Variants in BRD1 observed in about 807,000 individuals in gnomAD.
The protein encoded by BRD1 is bromodomain containing 1, also known as bromodomain-containing protein 1.
Under a neutral mutation model 107.7 loss-of-function variants are expected in BRD1, and 24 were observed. The ratio of observed to expected loss-of-function variants is 0.22; its 90% confidence interval spans 0.16 to 0.31. The LOEUF is 0.31. Among genes scored for constraint, BRD1 ranks in the 10% least tolerant of loss-of-function variants. BRD1 has a pLI of 1.00. For synonymous variants in BRD1, 744 were observed against 686.1 expected (o/e 1.08, Z -1.32); for missense variants, 1,279 against 1,638.6 (o/e 0.78, Z 3.79).
intron 7 of BRD1, among the ~76,000 whole-genome samples, chr22:49,788,311 G>T (rs1481734929): frequency 3.9e-5 from 6 of 152,092 alleles, no homozygotes; most frequent in Admixed American, 3.9e-4. Context: ...TAAAAGGAAG[G>T]CAACATTAAA....
At chr22:49,801,277 C>A (rs2059635575) in intron 3 of BRD1, among the ~76,000 whole-genome samples, 1 of 152,194 alleles carries the variant, frequency 6.6e-6, no homozygotes, top group African/African-American at 2.4e-5. Context: ...CCTTCAACGG[C>A]CACACACACC....
intron 6 of BRD1, among the ~76,000 whole-genome samples, chr22:49,797,395 T>C (rs1218649966): frequency 6.6e-6 from 1 of 152,110 alleles, no homozygotes; most frequent in Non-Finnish European, 1.5e-5. Flanking sequence ...ACTAAGCTGC[T>C]TTCTGGGTCT....
At position 49,775,599 on chromosome 22, in the gene BRD1, C is replaced by T; in HGVS notation, c.3378G>A (p.Lys1126=). 1 of 1,608,880 alleles carries T rather than the reference C, an allele frequency of 6.2e-7. No individual in the cohort carries two copies. The highest frequency in any genetic ancestry group is 8.5e-7 in the Non-Finnish European group (1 of 1,177,674). ...AAGGCCTCTCAACTCACCAACTTCT[C>T]TTATTATCAAAAAAGAGAACGAGGA... ...KLFLVLFFDN[K]RSWQWLPKSK... Residue 1126 remains lysine, a synonymous_variant, in exon 12 of 13, where the codon AAG becomes AAA. Transcript: ENST00000404760.
Position 49,787,580 on chromosome 22 carries a change from T to G in BRD1, c.2667A>C (p.Lys889Asn). The G allele has an allele frequency of 6.4e-7, 1 of 1,568,150 alleles. No homozygotes were observed. The highest frequency in any genetic ancestry group is 8.7e-7 in the Non-Finnish European group (1 of 1,155,832). ...TGGCAGACTTTGGGGGGCTTACACTTTTCGATTTGCAGAAGAGAACAGAAG... is the reference window on the plus strand; with the variant it reads ...TGGCAGACTTTGGGGGGCTTACACTGTTCGATTTGCAGAAGAGAACAGAAG... ...RRTSVLFCKS[K>N]SVSPPKSAKN... The change falls in exon 8 of 13, where the codon AAA becomes AAC. Residue 889 changes from lysine (K) to asparagine (N), a missense_variant. Coordinates refer to ENST00000404760, the MANE Select transcript of BRD1 (RefSeq NM_001304808.3).
rs2059569663 is a variant in BRD1, at chr22:49,798,136, AAG to A, written c.1786-21_1786-20del. The A allele has an allele frequency of 6.3e-7, 1 of 1,583,334 alleles. No individual in the cohort carries two copies. The highest frequency in any genetic ancestry group is 8.6e-7 in the Non-Finnish European group (1 of 1,160,758). ...CTGGTACCTAATTTTAGGGAGGAAA[AAG>A]AATCATTTACAAACTAAAACAGGAT... On this transcript the variant is annotated intron_variant, in intron 5 of 12. Transcript: ENST00000404760.
intron 1 of BRD1, among the ~76,000 whole-genome samples, chr22:49,826,938 G>A (rs1178762477): frequency 6.6e-6 from 1 of 152,160 alleles, no homozygotes; most frequent in Non-Finnish European, 1.5e-5. Flanking sequence ...GAAGCCTCGC[G>A]TTCGTCGCGA....
intron 2 of BRD1, among the ~76,000 whole-genome samples, chr22:49,808,267 A>C (rs1439535593): frequency 6.6e-6 from 1 of 152,252 alleles, no homozygotes; most frequent in Non-Finnish European, 1.5e-5. Flanking sequence ...TAAAACATGG[A>C]AGCAACCCAA....
Position 49,824,579 on chromosome 22 carries a change from C to CCCTA in BRD1, c.-14-252_-14-249dup, listed in dbSNP as rs2060126184. 1 of 1,331,058 alleles carries CCCTA rather than the reference C, an allele frequency of 7.5e-7. No individual in the cohort carries two copies. Among genetic ancestry groups the CCCTA allele is most frequent in the South Asian group, 1.6e-5 (1 of 62,626 alleles). The allele number at this position is 1,331,058 out of a possible 1,614,324, so 82.5% of individuals were successfully genotyped here. On this transcript the variant is annotated intron_variant, in intron 1 of 12. Coordinates refer to ENST00000404760, the MANE Select transcript of BRD1 (RefSeq NM_001304808.3). This position sits in a 1 kb window ranked among gnomAD's most constrained non-coding sequence, Gnocchi z 5.9. ...GAGGAGCCCTCCTGAGCACCTGCGT[C>CCCTA]CCTACCACCACACACCAGTCCCCTC...
At chr22:49,826,501 A>G (rs1221694727) in intron 1 of BRD1, among the ~76,000 whole-genome samples, 1 of 152,210 alleles carries the variant, frequency 6.6e-6, no homozygotes, top group Non-Finnish European at 1.5e-5. Flanking sequence ...TTCTCAAGGA[A>G]TAATTCCCTT....
chr22:49,824,519 G>A lies in BRD1; in HGVS notation c.-14-188C>T. ...GGCCTGAGCGAGTCCCCAGGACCAG[G>A]GAGGGAGCAGCAGTAACAGGCAGAG... On this transcript the variant is annotated intron_variant, in intron 1 of 12. Coordinates refer to ENST00000404760, the MANE Select transcript of BRD1 (RefSeq NM_001304808.3). The surrounding 1 kb of genome is among the most constrained non-coding windows in gnomAD (Gnocchi z 5.9). 2 of 1,412,464 alleles carry A rather than the reference G, an allele frequency of 1.4e-6. No individual in the cohort carries two copies. Among genetic ancestry groups the A allele is most frequent in the South Asian group, 3.1e-5 (2 of 65,276 alleles). The allele number at this position is 1,412,464 out of a possible 1,614,324, so 87.5% of individuals were successfully genotyped here. A position where few individuals can be genotyped will look rare whatever the true frequency, so the allele number is the denominator to read the frequency against.
At chr22:49,799,292 A>G (rs542491206) in intron 3 of BRD1, among the ~76,000 whole-genome samples, 173 bp from the exon 4 acceptor site, 1 of 152,272 alleles carries the variant, frequency 6.6e-6, no homozygotes, top group East Asian at 1.9e-4. Flanking sequence ...GCACCGGGAC[A>G]GAGGGGACAG....
intron 2 of BRD1, among the ~76,000 whole-genome samples, chr22:49,810,570 A>G (rs918320999): frequency 2.0e-5 from 3 of 152,340 alleles, no homozygotes; most frequent in Middle Eastern, 6.8e-3. Context: ...AGTATTTGCA[A>G]GTCATGTATC....
chr22:49,775,420 TG>T, intron 12 of BRD1, 170 bp downstream of exon 12: 1 of 589,012 alleles, frequency 1.7e-6, no homozygotes, highest in Non-Finnish European at 2.6e-6. Flanking sequence ...GCGAGGGGGC[TG>T]GGCAGTGCCC....
At chr22:49,777,001 G>A (rs751890834) in intron 10 of BRD1, 33 bp downstream of exon 10, 2 of 1,611,992 alleles carry the variant, frequency 1.2e-6, no homozygotes, top group Non-Finnish European at 8.5e-7. Flanking sequence ...CAGGAGGTGT[G>A]GAGAGCCATG....
At chr22:49,804,934 T>A (rs1365035018) in intron 2 of BRD1, among the ~76,000 whole-genome samples, 2 of 152,118 alleles carry the variant, frequency 1.3e-5, no homozygotes, top group East Asian at 3.8e-4. Context: ...AAAGAAAACA[T>A]GCTGAGCAAA....
At position 49,813,022 on chromosome 22, in the gene BRD1, G is replaced by A. The variant is rs116738660; in HGVS notation, c.1368-8662C>T. Among the ~76,000 whole-genome samples the A allele has an allele frequency of 8.0e-3, 1,215 of 152,300 alleles. 21 individuals are homozygous for A. The highest frequency in any genetic ancestry group is 0.027 in the African/African-American group (1,141 of 41,564). ...GGCCTGAGACCAGGAGGCCAAGCAG[G>A]CTGGCTCACAACCCAGATGACTCAC... On this transcript the variant is annotated intron_variant, in intron 2 of 12. Coordinates refer to ENST00000404760, the MANE Select transcript of BRD1 (RefSeq NM_001304808.3).
In BRD1 at chr22:49,824,529, G is replaced by T; in HGVS notation, c.-14-198C>A. ...AGTCCCCAGGACCAGGGAGGGAGCA[G>T]CAGTAACAGGCAGAGAGGCAGCCTG... On this transcript the variant is annotated intron_variant, in intron 1 of 12. Coordinates refer to ENST00000404760, the MANE Select transcript of BRD1 (RefSeq NM_001304808.3). This position sits in a 1 kb window ranked among gnomAD's most constrained non-coding sequence, Gnocchi z 5.9. 1.4e-6 allele frequency: 2 copies of T among 1,401,128 alleles called. No homozygotes were observed. The highest frequency in any genetic ancestry group is 1.9e-6 in the Non-Finnish European group (2 of 1,080,142). 86.8% of individuals were successfully genotyped at this position (1,401,128 alleles called of 1,614,324 possible). A position where few individuals can be genotyped will look rare whatever the true frequency, so the allele number is the denominator to read the frequency against.
chr22:49,801,088 C>T (rs551482862), intron 3 of BRD1, among the ~76,000 whole-genome samples: 29 of 152,330 alleles, frequency 1.9e-4, no homozygotes, highest in Admixed American at 5.2e-4. Context: ...ACAGCAAGGA[C>T]GATGTGGGCA....
At position 49,775,709 on chromosome 22, in the gene BRD1, G is replaced by A. The variant is rs2059069148; in HGVS notation, c.3268C>T (p.His1090Tyr). 2.5e-6 allele frequency: 4 copies of A among 1,612,742 alleles called. No individual in the cohort carries two copies. In the South Asian group the frequency reaches 4.4e-5, roughly 18 times the overall value. The part of the protein sequence containing the change: ...DPKMPRVPGH[H>Y]NGVTIPAPPL... ...GGGGCCGGGATGGTGACGCCGTTGT[G>A]GTGGCCAGGCACACGGGGCATCTTG... The change falls in exon 12 of 13, where the codon CAC becomes TAC. Residue 1090 changes from histidine to tyrosine, a missense_variant. By Grantham distance (83) the His-to-Tyr change is moderately conservative. This residue lies in a region of BRD1 where 136 missense variants were observed against 196.8 expected (regional missense o/e 0.69). Coordinates refer to ENST00000404760, the MANE Select transcript of BRD1 (RefSeq NM_001304808.3).
Sources: allele counts gnomAD v4.1 joint callset (sites outside exome capture counted in the v4.1 genomes callset), GRCh38; gene constraint gnomAD v4.1.1; regional missense constraint gnomAD v4.1.1; non-coding constraint Gnocchi (gnomAD v3.1); transcripts MANE v1.5; gene names NCBI Gene and HGNC (gene_info 2026-07-23, HGNC 2026-07-21).